Variants in CDK19 observed in about 807,000 individuals in gnomAD.
The protein encoded by CDK19 is cyclin-dependent kinase 19.
Under a neutral mutation model 68.3 loss-of-function variants are expected in CDK19, and 20 were observed. The observed-to-expected ratio is 0.29, with a 90% CI of 0.21 to 0.43. CDK19 has a LOEUF of 0.43. Ranked by LOEUF, CDK19 falls within the 20% of genes least tolerant of loss-of-function variation. CDK19 has a pLI of 1.00. For synonymous variants in CDK19, 221 were observed against 222.8 expected (o/e 0.99, Z 0.07); for missense variants, 339 against 623.5 (o/e 0.54, Z 4.86).
chr6:110,809,593 G>T (rs1314072591), intron 1 of CDK19, among the ~76,000 whole-genome samples: 1 of 152,156 alleles, frequency 6.6e-6, no homozygotes, highest in Non-Finnish European at 1.5e-5. Context: ...TACATTAGAA[G>T]TATTTACATC....
chr6:110,674,876 C>T (rs12210249), intron 2 of CDK19, among the ~76,000 whole-genome samples: 7,126 of 148,570 alleles, frequency 0.048, 176 homozygotes, highest in Middle Eastern at 0.074. Context: ...TACTCCAGCC[C>T]GGGCGACACA....
intron 2 of CDK19, among the ~76,000 whole-genome samples, chr6:110,689,535 T>C (rs1288273938): frequency 1.3e-5 from 2 of 152,204 alleles, no homozygotes; most frequent in Non-Finnish European, 2.9e-5. Flanking sequence ...ACATTGACAT[T>C]GTGGCCAGGA....
intron 1 of CDK19, among the ~76,000 whole-genome samples, chr6:110,799,144 T>TAA (rs369106433): frequency 0.12 from 5,866 of 49,010 alleles, 766 homozygotes; most frequent in East Asian, 0.22. Context: ...ACCCTGTATT[T>TAA]AAAAAAAAAA....
chr6:110,664,678 G>A (rs1440987565), intron 4 of CDK19, among the ~76,000 whole-genome samples: 1 of 152,118 alleles, frequency 6.6e-6, no homozygotes, highest in Non-Finnish European at 1.5e-5. Context: ...GTCAGACATA[G>A]ATCTTGCTCT....
At chr6:110,728,302 A>AG (rs1182156453) in intron 2 of CDK19, among the ~76,000 whole-genome samples, 7,859 of 149,998 alleles carry the variant, frequency 0.052, 244 homozygotes, top group African/African-American at 0.081. Context: ...AAAAAAAAAA[A>AG]AGAGAGAGAG....
intron 1 of CDK19, among the ~76,000 whole-genome samples, chr6:110,782,559 T>C (rs1203763631): frequency 1.3e-5 from 2 of 152,200 alleles, no homozygotes; most frequent in Non-Finnish European, 2.9e-5. Flanking sequence ...TGTAAAACTA[T>C]ACAGCAAACT....
At chr6:110,694,455 A>G (rs1417414223) in intron 2 of CDK19, among the ~76,000 whole-genome samples, 1 of 152,226 alleles carries the variant, frequency 6.6e-6, no homozygotes, top group Non-Finnish European at 1.5e-5. Context: ...GTCCAACAGA[A>G]AAGTATCACA....
At chr6:110,756,405 G>A (rs1433661876) in intron 1 of CDK19, among the ~76,000 whole-genome samples, 4 of 149,206 alleles carry the variant, frequency 2.7e-5, no homozygotes, top group South Asian at 4.3e-4. Flanking sequence ...AAAAAAAAAC[G>A]TACAAAAATG....
At chr6:110,722,529 T>C (rs942601080) in intron 2 of CDK19, among the ~76,000 whole-genome samples, 1 of 149,636 alleles carries the variant, frequency 6.7e-6, no homozygotes, top group Non-Finnish European at 1.5e-5. Context: ...TGAGATCTCA[T>C]CTTTGTTTAA....
intron 1 of CDK19, among the ~76,000 whole-genome samples, chr6:110,770,780 A>G (rs942242755): frequency 2.0e-5 from 3 of 152,182 alleles, no homozygotes; most frequent in Admixed American, 6.5e-5. Context: ...CAAGCTAGTC[A>G]CTTCCTAGAT....
intron 2 of CDK19, among the ~76,000 whole-genome samples, chr6:110,694,981 G>A (rs1156529036): frequency 1.3e-5 from 2 of 152,160 alleles, no homozygotes; most frequent in Non-Finnish European, 1.5e-5. Flanking sequence ...GCCAAGCATG[G>A]TGGCAGGTGC....
At chr6:110,691,943 G>GC (rs1773029454) in intron 2 of CDK19, among the ~76,000 whole-genome samples, 1 of 150,808 alleles carries the variant, frequency 6.6e-6, no homozygotes, top group Non-Finnish European at 1.5e-5. Flanking sequence ...ACTGTGCCCG[G>GC]CCCCCCATCT....
chr6:110,612,727 G>C lies in CDK19; in HGVS notation c.*1808C>G, dbSNP rs927170146. 6.6e-6 allele frequency: 1 copy of C among 152,520 alleles called. No individual in the cohort carries two copies. The highest frequency in any genetic ancestry group is 1.5e-5 in the Non-Finnish European group (1 of 68,036). The allele number at this position is 152,520 out of a possible 1,614,324, so 9.4% of individuals were successfully genotyped here. A position where few individuals can be genotyped will look rare whatever the true frequency, so the allele number is the denominator to read the frequency against. On this transcript the variant is annotated 3_prime_UTR_variant, in exon 13 of 13. Coordinates refer to ENST00000368911, the MANE Select transcript of CDK19 (RefSeq NM_015076.5). ...TTTCTTATTTTAAAAAATGGAAGGG[G>C]TAAAACAGCAGGAGACTATCAGAAA...
chr6:110,661,842 T>C (rs1225950509), intron 4 of CDK19, among the ~76,000 whole-genome samples: 1 of 152,250 alleles, frequency 6.6e-6, no homozygotes. Context: ...AATTTTGATA[T>C]ACTGTACCAT....
chr6:110,654,620 T>C (rs1351893242), intron 4 of CDK19, among the ~76,000 whole-genome samples: 1 of 152,212 alleles, frequency 6.6e-6, no homozygotes, highest in Non-Finnish European at 1.5e-5. Flanking sequence ...AAGGTATAAG[T>C]GTCCTCTGAG....
intron 4 of CDK19, among the ~76,000 whole-genome samples, chr6:110,648,713 G>GT (rs948226307): frequency 2.0e-5 from 3 of 148,140 alleles, no homozygotes; most frequent in Non-Finnish European, 3.0e-5. Context: ...GCTAATTTTT[G>GT]TTTTTTTGTT....
At chr6:110,745,288 A>G (rs1230610462) in intron 2 of CDK19, among the ~76,000 whole-genome samples, 3 of 152,132 alleles carry the variant, frequency 2.0e-5, no homozygotes, top group Non-Finnish European at 4.4e-5. Flanking sequence ...TCTAGTACAC[A>G]CTCATTAAAT....
At chr6:110,789,470 G>T (rs1781451406) in intron 1 of CDK19, among the ~76,000 whole-genome samples, 1 of 152,070 alleles carries the variant, frequency 6.6e-6, no homozygotes, top group African/African-American at 2.4e-5. Flanking sequence ...GTAGAGACGG[G>T]GTTTCAGCAT....
intron 1 of CDK19, among the ~76,000 whole-genome samples, chr6:110,762,105 GC>G: frequency 6.6e-6 from 1 of 152,216 alleles, no homozygotes; most frequent in African/African-American, 2.4e-5. Flanking sequence ...TACCCCATAA[GC>G]AAATTAGGGA....
Sources: allele counts gnomAD v4.1 joint callset (sites outside exome capture counted in the v4.1 genomes callset), GRCh38; gene constraint gnomAD v4.1.1; transcripts MANE v1.5; gene names NCBI Gene and HGNC (gene_info 2026-07-23, HGNC 2026-07-21).